The following FERMT2 variants were observed in gnomAD, a reference collection of about 807,000 sequenced individuals.
FERMT2 encodes FERM domain containing kindlin 2, also known as fermitin family homolog 2.
In FERMT2, 15 loss-of-function variants were observed where a neutral mutation model predicts 82.7. That is an observed-to-expected ratio of 0.18 (90% CI 0.12 to 0.28). FERMT2 has a LOEUF of 0.28. Among genes scored for constraint, FERMT2 ranks in the 10% least tolerant of loss-of-function variants. FERMT2 has a pLI of 1.00. For synonymous variants in FERMT2, 274 were observed against 271.5 expected, an observed-to-expected ratio of 1.01 and a Z score of -0.09; for missense variants, 645 against 809.4, an observed-to-expected ratio of 0.80 and a Z score of 2.46.
intron 3 of FERMT2, among the ~76,000 whole-genome samples, chr14:52,903,074 C>A (rs1729326022): frequency 6.6e-6 from 1 of 151,398 alleles, no homozygotes; most frequent in Non-Finnish European, 1.5e-5. Flanking sequence ...TGCATAAATA[C>A]AAGAAATATC....
In FERMT2 at chr14:52,881,310, G is replaced by A. The variant is rs1886282340; in HGVS notation, c.686C>T (p.Ser229Leu). ...GAACATTTTTGCCAAGATTTCTGGT[G>A]ACGTGATTGGTTGACTGACAGCAAG... ...GILAVSQPIT[S>L]PEILAKMFKP... The change falls in exon 5 of 15, where the codon TCA (serine) becomes TTA (leucine). Residue 229 changes from serine to leucine, a missense_variant. Coordinates refer to ENST00000341590, the MANE Select transcript of FERMT2 (RefSeq NM_006832.3). 6.2e-7 allele frequency: 1 copy of A among 1,614,042 alleles called. No homozygotes were observed.
chr14:52,915,484 T>C (rs1215723307), intron 3 of FERMT2, among the ~76,000 whole-genome samples: 2 of 152,216 alleles, frequency 1.3e-5, no homozygotes, highest in African/African-American at 2.4e-5. Flanking sequence ...CAACATGGAA[T>C]TTTGGTTTAT....
chr14:52,865,380 G>A (rs1184556646), intron 10 of FERMT2, among the ~76,000 whole-genome samples: 2 of 152,178 alleles, frequency 1.3e-5, no homozygotes, highest in Admixed American at 1.3e-4. Flanking sequence ...TGAACTAGGT[G>A]TTAGATAATG....
intron 11 of FERMT2, 22 bp from the exon 12 acceptor site, chr14:52,864,644 G>A (rs1229244495): frequency 6.3e-7 from 1 of 1,598,842 alleles, no homozygotes; most frequent in East Asian, 2.2e-5. Context: ...AAATACTGAT[G>A]TGTGCAATGT....
chr14:52,898,160 T>C (rs75892454), intron 3 of FERMT2, among the ~76,000 whole-genome samples: 2,507 of 152,238 alleles, frequency 0.016, 36 homozygotes, highest in Non-Finnish European at 0.024. Flanking sequence ...AGTAGGTAAA[T>C]ATAACTGCTC....
rs1884904455 is a variant in FERMT2, at chr14:52,861,120, A to G, written c.1603-655T>C. 80 of 1,284,052 alleles carry G rather than the reference A, an allele frequency of 6.2e-5. 1 individual carries two copies. In the South Asian group the frequency reaches 1.1e-3, roughly 17 times the overall value. 79.5% of individuals were successfully genotyped at this position (1,284,052 alleles called of 1,614,324 possible). A position where few individuals can be genotyped will look rare whatever the true frequency, so the allele number is the denominator to read the frequency against. ...AAAAATGGCAACGAAGCAAAGAAAA[A>G]GTTGCGGTCACCTGCAAACCAAAAT... is the stretch of plus-strand genomic sequence containing the variant. On this transcript the variant is annotated intron_variant, in intron 12 of 14. Coordinates refer to ENST00000341590, the MANE Select transcript of FERMT2 (RefSeq NM_006832.3).
intron 4 of FERMT2, among the ~76,000 whole-genome samples, chr14:52,885,753 A>AT (rs1469054134): frequency 6.6e-6 from 1 of 152,156 alleles, no homozygotes; most frequent in Non-Finnish European, 1.5e-5. Flanking sequence ...TAAATTGTAT[A>AT]TTTTTTAAAA....
chr14:52,865,151 G>A (rs1371082226), intron 10 of FERMT2, among the ~76,000 whole-genome samples: 1 of 152,138 alleles, frequency 6.6e-6, no homozygotes, highest in Admixed American at 6.6e-5. Context: ...GTGAAACCAT[G>A]TCTCTACTAA....
At chr14:52,879,867 C>CA (rs1886188390) in intron 6 of FERMT2, among the ~76,000 whole-genome samples, 1 of 152,104 alleles carries the variant, frequency 6.6e-6, no homozygotes, top group South Asian at 2.1e-4. Context: ...AAAGTTAAAT[C>CA]TTACCAGAAA....
Position 52,950,573 on chromosome 14 carries a change from C to T in FERMT2, c.-5G>A. 6.2e-7 allele frequency: 1 copy of T among 1,611,732 alleles called. No homozygotes were observed. The highest frequency in any genetic ancestry group is 8.5e-7 in the Non-Finnish European group (1 of 1,178,998). The stretch of plus-strand genomic sequence containing the variant: ...CCTTATCCCGTCCAGAGCCATGGCT[C>T]CTTCCTGCGAGCGCGGAGGAAATGG... On this transcript the variant is annotated 5_prime_UTR_variant, in exon 2 of 15. Coordinates refer to ENST00000341590, the MANE Select transcript of FERMT2 (RefSeq NM_006832.3).
At chr14:52,902,160 A>C (rs562110884) in intron 3 of FERMT2, among the ~76,000 whole-genome samples, 1 of 152,152 alleles carries the variant, frequency 6.6e-6, no homozygotes, top group Non-Finnish European at 1.5e-5. Context: ...TGGGAGGCCG[A>C]GGTGGGTGGA....
rs550955331 is a variant in FERMT2, at chr14:52,873,860, T to C, written c.1148+317A>G. On this transcript the variant is annotated intron_variant, in intron 9 of 14. Coordinates refer to ENST00000341590, the MANE Select transcript of FERMT2 (RefSeq NM_006832.3). ...TCGCTGGCAGTGACACAGTTCATTATGTACTGCTTCCAACTGAGGCCCGGA... is the reference window on the plus strand; with the variant it reads ...TCGCTGGCAGTGACACAGTTCATTACGTACTGCTTCCAACTGAGGCCCGGA... 328 of 223,718 alleles carry C rather than the reference T, an allele frequency of 1.5e-3. 3 individuals carry two copies. The highest frequency in any genetic ancestry group is 8.7e-3 in the Middle Eastern group (6 of 686). The allele number at this position is 223,718 out of a possible 1,614,324, so 13.9% of individuals were successfully genotyped here.
At chr14:52,943,762 T>G (rs1890200341) in intron 2 of FERMT2, among the ~76,000 whole-genome samples, 1 of 152,250 alleles carries the variant, frequency 6.6e-6, no homozygotes, top group African/African-American at 2.4e-5. Flanking sequence ...GGTGTCTAGA[T>G]GAAGATTACG....
chr14:52,950,591 G>T lies in FERMT2; in HGVS notation c.-9-14C>A. 6.2e-7 allele frequency: 1 copy of T among 1,609,856 alleles called. No individual in the cohort carries two copies. Among genetic ancestry groups the T allele is most frequent in the Non-Finnish European group, 8.5e-7 (1 of 1,178,084 alleles). ...CATGGCTCCTTCCTGCGAGCGCGGA[G>T]GAAATGGCTCTCGTAAGCGTCACTC... On this transcript the variant is annotated splice_polypyrimidine_tract_variant and intron_variant, in intron 1 of 14. Transcript: ENST00000341590.
In FERMT2 at chr14:52,885,296, G is replaced by C. The variant is rs573965069; in HGVS notation, c.527-3827C>G. Among the ~76,000 whole-genome samples, 417 of 133,518 alleles carry C rather than the reference G, an allele frequency of 3.1e-3. 5 individuals are homozygous for C. The highest frequency in any genetic ancestry group is 0.011 in the African/African-American group (391 of 34,680). The allele number at this position is 133,518 out of a possible 152,430, so 87.6% of individuals were successfully genotyped here. ...CCACTACACTCCAGCCTGGGTAACA[G>C]GGCGAGACTTAGTCTCAAAAAAAAA... is the stretch of plus-strand genomic sequence containing the variant. On this transcript the variant is annotated intron_variant, in intron 4 of 14. Coordinates refer to ENST00000341590, the MANE Select transcript of FERMT2 (RefSeq NM_006832.3).
At chr14:52,860,304 G>A in intron 13 of FERMT2, 37 bp downstream of exon 13, 2 of 1,604,964 alleles carry the variant, frequency 1.2e-6, no homozygotes, top group South Asian at 1.1e-5. Flanking sequence ...CAAAAATGCA[G>A]ATTAAGGTTT....
At chr14:52,885,369 A>G (rs1886541485) in intron 4 of FERMT2, among the ~76,000 whole-genome samples, 1 of 151,118 alleles carries the variant, frequency 6.6e-6, no homozygotes, top group Admixed American at 6.6e-5. Flanking sequence ...TTGCAAACCA[A>G]TGCTTCAACA....
At chr14:52,937,163 A>AAAT (rs902153723) in intron 2 of FERMT2, among the ~76,000 whole-genome samples, 99 of 151,948 alleles carry the variant, frequency 6.5e-4, no homozygotes, top group Admixed American at 1.2e-3. Flanking sequence ...CTCTGTCTTA[A>AAAT]AATAATAATA....
intron 2 of FERMT2, among the ~76,000 whole-genome samples, chr14:52,944,996 C>G (rs115576739): frequency 0.021 from 3,200 of 152,044 alleles, 75 homozygotes; most frequent in East Asian, 0.074. Context: ...AAACTCCCAG[C>G]TTCAGGCAAT....
Sources: allele counts gnomAD v4.1 joint callset (sites outside exome capture counted in the v4.1 genomes callset), GRCh38; gene constraint gnomAD v4.1.1; transcripts MANE v1.5; gene names NCBI Gene and HGNC (gene_info 2026-07-23, HGNC 2026-07-21).